The following WWOX variants were observed in gnomAD, a reference collection of about 807,000 sequenced individuals.
WWOX encodes WW domain containing oxidoreductase, also known as WW domain-containing oxidoreductase.
A neutral mutation model predicts 46.2 loss-of-function variants in WWOX; 69 were observed. The observed-to-expected ratio is 1.49, with a 90% CI of 1.23 to 1.82. The LOEUF is 1.82. Ranked by LOEUF, WWOX falls within the 40% of genes most tolerant of loss-of-function variation. The probability of loss-of-function intolerance (pLI) is 0.00; values close to 1 mark genes in which losing one functional copy is unlikely to be tolerated. For missense variants in WWOX, 919 were observed against 542.6 expected (o/e 1.69, Z -6.89); for synonymous variants, 359 against 202.6 (o/e 1.77, Z -6.56).
chr16:78,686,344 T>A (rs1315515319), intron 8 of WWOX, among the ~76,000 whole-genome samples: 1 of 151,986 alleles, frequency 6.6e-6, no homozygotes, highest in Non-Finnish European at 1.5e-5. Context: ...ACCCCGCCTC[T>A]ACTAAAAATA....
chr16:79,190,480 G>A (rs367802725), intron 8 of WWOX, among the ~76,000 whole-genome samples: 117 of 152,226 alleles, frequency 7.7e-4, no homozygotes, highest in South Asian at 2.1e-4. Context: ...GCCTTACCCC[G>A]CTACAGAGAG....
chr16:78,579,333 G>A (rs1309387034), intron 8 of WWOX, among the ~76,000 whole-genome samples: 1 of 152,166 alleles, frequency 6.6e-6, no homozygotes, highest in African/African-American at 2.4e-5. Flanking sequence ...GAATAAGAGT[G>A]AGACAGGGAG....
At chr16:78,494,447 T>A (rs2084860077) in intron 8 of WWOX, among the ~76,000 whole-genome samples, 1 of 150,934 alleles carries the variant, frequency 6.6e-6, no homozygotes, top group Non-Finnish European at 1.5e-5. Context: ...TCCTTTTGCA[T>A]TTTGGATGGT....
chr16:78,314,703 T>TG (rs2080323176), intron 5 of WWOX, among the ~76,000 whole-genome samples: 1 of 64,928 alleles, frequency 1.5e-5, no homozygotes, highest in African/African-American at 8.0e-5. Context: ...TTTTTTTTGT[T>TG]TTTTTTTTTT....
intron 6 of WWOX, among the ~76,000 whole-genome samples, chr16:78,411,631 T>C (rs1433504350): frequency 6.6e-6 from 1 of 152,180 alleles, no homozygotes; most frequent in Non-Finnish European, 1.5e-5. Context: ...TTAAAAGTTT[T>C]TGAGAATGGG....
intron 5 of WWOX, among the ~76,000 whole-genome samples, chr16:78,180,025 CTTG>C (rs1364130463): frequency 1.3e-5 from 2 of 152,208 alleles, no homozygotes; most frequent in African/African-American, 4.8e-5. Flanking sequence ...TTGCAAATAA[CTTG>C]TTGTGTTTTC....
At chr16:78,524,682 G>C (rs570659408) in intron 8 of WWOX, among the ~76,000 whole-genome samples, 2 of 151,814 alleles carry the variant, frequency 1.3e-5, no homozygotes, top group African/African-American at 2.4e-5. Context: ...GCCTCCCAAA[G>C]TACTTGGATT....
At chr16:78,924,688 G>A (rs1293770064) in intron 8 of WWOX, among the ~76,000 whole-genome samples, 1 of 152,190 alleles carries the variant, frequency 6.6e-6, no homozygotes. Context: ...GCTTCTGTGT[G>A]GGAGAGTAAC....
At chr16:78,977,738 C>G (rs111740301) in intron 8 of WWOX, among the ~76,000 whole-genome samples, 32 of 152,242 alleles carry the variant, frequency 2.1e-4, no homozygotes, top group African/African-American at 7.7e-4. Flanking sequence ...GCCTGCAAGT[C>G]TGTGACCGTC....
chr16:78,166,294 C>G (rs2034968931), intron 5 of WWOX, among the ~76,000 whole-genome samples: 1 of 151,948 alleles, frequency 6.6e-6, no homozygotes, highest in African/African-American at 2.4e-5. Flanking sequence ...CCTTTGGTGG[C>G]CATTTAGGTT....
At chr16:78,855,807 T>A in intron 8 of WWOX, among the ~76,000 whole-genome samples, 1 of 152,218 alleles carries the variant, frequency 6.6e-6, no homozygotes, top group East Asian at 1.9e-4. Flanking sequence ...CATTCATCAC[T>A]TATTTCCTGA....
chr16:78,476,477 G>C (rs2084350886), intron 8 of WWOX, among the ~76,000 whole-genome samples: 1 of 151,990 alleles, frequency 6.6e-6, no homozygotes, highest in Non-Finnish European at 1.5e-5. Flanking sequence ...GAGGGGAGAG[G>C]GATAGCATTA....
intron 8 of WWOX, among the ~76,000 whole-genome samples, chr16:78,990,297 G>C (rs532384340): frequency 2.4e-3 from 368 of 152,126 alleles, no homozygotes; most frequent in Non-Finnish European, 4.0e-3. Context: ...CATGAAGCCT[G>C]ACTGTGCATT....
At chr16:78,863,820 A>C (rs2043945015) in intron 8 of WWOX, among the ~76,000 whole-genome samples, 1 of 152,186 alleles carries the variant, frequency 6.6e-6, no homozygotes, top group South Asian at 2.1e-4. Context: ...CTCTCAAAAA[A>C]CTATGTCCAC....
Position 78,287,065 on chromosome 16 carries a change from A to T in WWOX, c.517-99795A>T, listed in dbSNP as rs183083455. Among the ~76,000 whole-genome samples the T allele has an allele frequency of 3.8e-3, 586 of 152,334 alleles. 3 individuals carry two copies. The highest frequency in any genetic ancestry group is 0.013 in the African/African-American group (543 of 41,578). On this transcript the variant is annotated intron_variant, in intron 5 of 8. Transcript: ENST00000566780. ...GGGAGGGAATTAGCCATTTGGTAATACAACGGGACAAGCTTATGGTAGGTC... is the reference window on the plus strand; with the variant it reads ...GGGAGGGAATTAGCCATTTGGTAATTCAACGGGACAAGCTTATGGTAGGTC...
chr16:78,470,817 C>T (rs1420011013), intron 8 of WWOX, among the ~76,000 whole-genome samples: 1 of 152,026 alleles, frequency 6.6e-6, no homozygotes, highest in Non-Finnish European at 1.5e-5. Flanking sequence ...TCATGAGTCA[C>T]CATGCCCGAC....
Position 78,486,585 on chromosome 16 carries a change from G to GTTTTGTTTTGTTTTGTTTTGTTTTC in WWOX, c.1056+53843_1056+53844insTTTTGTTTTGTTTTCTTTTGTTTTG, listed in dbSNP as rs147095069. 6.7e-3 allele frequency among the ~76,000 whole-genome samples: 1,009 copies of GTTTTGTTTTGTTTTGTTTTGTTTTC among 151,242 alleles called. 13 individuals carry two copies. The highest frequency in any genetic ancestry group is 0.024 in the African/African-American group (960 of 40,754). ...GTTTTGTTTTGTTTTGTTTTGTTTTGTTTTGTTTTGAAACAGTCTCACTCT... is the reference window on the plus strand; with the variant it reads ...GTTTTGTTTTGTTTTGTTTTGTTTTGTTTTGTTTTGTTTTGTTTTGTTTTCTTTTGTTTTGAAACAGTCTCACTCT... On this transcript the variant is annotated intron_variant, in intron 8 of 8. Coordinates refer to ENST00000566780, the MANE Select transcript of WWOX (RefSeq NM_016373.4).
intron 5 of WWOX, among the ~76,000 whole-genome samples, chr16:78,376,559 A>C (rs535828872): frequency 1.3e-5 from 2 of 152,312 alleles, no homozygotes; most frequent in South Asian, 4.1e-4. Flanking sequence ...ACTTGGGGTG[A>C]ACCGAAGTGC....
chr16:78,301,001 C>T (rs1337408989), intron 5 of WWOX, among the ~76,000 whole-genome samples: 2 of 145,572 alleles, frequency 1.4e-5, no homozygotes, highest in South Asian at 2.6e-4. Flanking sequence ...CCCACCCATC[C>T]ATCCATCCAT....
Sources: gnomAD v4.1 joint callset for allele counts (sites outside exome capture counted in the v4.1 genomes callset) on GRCh38, gnomAD v4.1.1 for gene constraint, MANE v1.5 for transcripts, NCBI Gene and HGNC (gene_info 2026-07-23, HGNC 2026-07-21) for gene names.